The following CARMIL1 variants were observed in gnomAD, a reference collection of about 807,000 sequenced individuals.
CARMIL1 encodes F-actin-uncapping protein LRRC16A.
CARMIL1 carries 90 observed loss-of-function variants against 177.1 expected under a neutral mutation model. That is an observed-to-expected ratio of 0.51 (90% CI 0.43 to 0.61). The LOEUF (loss-of-function observed/expected upper bound fraction) is 0.61. CARMIL1 is among the 20% of genes least tolerant of loss of function. CARMIL1 has a pLI of 0.00. For missense variants in CARMIL1, 1,380 were observed against 1,667.0 expected, an observed-to-expected ratio of 0.83 and a Z score of 3.00; for synonymous variants, 577 against 606.2, an observed-to-expected ratio of 0.95 and a Z score of 0.71.
chr6:25,607,945 A>G (rs906454471), intron 35 of CARMIL1, among the ~76,000 whole-genome samples: 16 of 152,228 alleles, frequency 1.1e-4, no homozygotes, highest in Admixed American at 2.0e-4. Flanking sequence ...ACCAAAGTTT[A>G]TGATGGGGAA....
chr6:25,329,475 C>T (rs1230104788), intron 2 of CARMIL1, among the ~76,000 whole-genome samples: 2 of 152,200 alleles, frequency 1.3e-5, no homozygotes, highest in Non-Finnish European at 2.9e-5. Flanking sequence ...CTTTGGCCTC[C>T]TTATACATTT....
rs1332882313 is a variant in CARMIL1 at position 25,548,367 on chromosome 6, G to C, written c.2329-2543G>C. On this transcript the variant is annotated intron_variant, in intron 26 of 36. Coordinates refer to ENST00000329474, the MANE Select transcript of CARMIL1 (RefSeq NM_017640.6). ...CTTAGCAAGAAAGGCTGATTTTGCT[G>C]TTGTAGTTGTTATTGTTTGAGTGGG... 2.6e-5 allele frequency among the ~76,000 whole-genome samples: 4 copies of C among 152,146 alleles called. No individual in the cohort carries two copies. The East Asian group carries it at 7.7e-4, about 29-fold the overall frequency.
At chr6:25,338,872 T>A (rs369498510) in intron 2 of CARMIL1, among the ~76,000 whole-genome samples, 18 of 152,218 alleles carry the variant, frequency 1.2e-4, no homozygotes, top group South Asian at 6.2e-4. Context: ...AACCAGCACA[T>A]AAGTTTTATA....
At chr6:25,389,671 T>C (rs1792551463) in intron 2 of CARMIL1, among the ~76,000 whole-genome samples, 1 of 152,082 alleles carries the variant, frequency 6.6e-6, no homozygotes. Context: ...AAGCAATGAG[T>C]TGTTTCTGCC....
intron 26 of CARMIL1, among the ~76,000 whole-genome samples, chr6:25,540,464 C>T (rs1388320338): frequency 6.6e-6 from 1 of 152,086 alleles, no homozygotes; most frequent in Non-Finnish European, 1.5e-5. Context: ...TGTGGGGAGT[C>T]TGCCACTAGG....
chr6:25,401,359 G>A (rs1014047656), intron 2 of CARMIL1, among the ~76,000 whole-genome samples: 6 of 152,118 alleles, frequency 3.9e-5, no homozygotes, highest in Admixed American at 2.6e-4. Flanking sequence ...CATATAAAAT[G>A]TGTATATGAC....
intron 2 of CARMIL1, among the ~76,000 whole-genome samples, chr6:25,373,748 A>G (rs1790687976): frequency 6.6e-6 from 1 of 151,688 alleles, no homozygotes; most frequent in South Asian, 2.1e-4. Flanking sequence ...ATGCCTGGCT[A>G]ATTTTTTTGT....
intron 22 of CARMIL1, among the ~76,000 whole-genome samples, chr6:25,518,504 A>G (rs1806232860): frequency 6.6e-6 from 1 of 152,132 alleles, no homozygotes; most frequent in Non-Finnish European, 1.5e-5. Flanking sequence ...GGGCATCACT[A>G]AATAGGGGTA....
chr6:25,513,525 A>G (rs1487537541), intron 20 of CARMIL1, among the ~76,000 whole-genome samples: 1 of 152,238 alleles, frequency 6.6e-6, no homozygotes, highest in Admixed American at 6.5e-5. Context: ...GATAAGGACA[A>G]TAATATGCTT....
At chr6:25,321,449 G>C (rs1311163470) in intron 2 of CARMIL1, among the ~76,000 whole-genome samples, 1 of 152,038 alleles carries the variant, frequency 6.6e-6, no homozygotes, top group Non-Finnish European at 1.5e-5. Context: ...ATTAATGAGT[G>C]CATTAATGGT....
chr6:25,320,710 A>G (rs564870710), intron 2 of CARMIL1, among the ~76,000 whole-genome samples: 3 of 152,284 alleles, frequency 2.0e-5, no homozygotes, highest in African/African-American at 7.2e-5. Context: ...GCTGCTTCCC[A>G]GTTGCTCTGG....
chr6:25,441,379 G>T (rs1011858592), intron 5 of CARMIL1, among the ~76,000 whole-genome samples: 2 of 147,680 alleles, frequency 1.4e-5, no homozygotes, highest in Non-Finnish European at 3.0e-5. Context: ...GTGTCTATGT[G>T]TGTGTGTGTG....
At chr6:25,316,405 A>C (rs908190785) in intron 2 of CARMIL1, among the ~76,000 whole-genome samples, 2 of 146,020 alleles carry the variant, frequency 1.4e-5, no homozygotes, top group African/African-American at 5.0e-5. Context: ...TAGATGAGAT[A>C]GTTTATATTC....
chr6:25,330,199 A>T (rs764193847), intron 2 of CARMIL1, among the ~76,000 whole-genome samples: 5 of 152,214 alleles, frequency 3.3e-5, no homozygotes, highest in Non-Finnish European at 7.3e-5. Flanking sequence ...AGGTGTGCCC[A>T]TGGTACTGTG....
At chr6:25,444,598 C>A (rs1314606790) in intron 5 of CARMIL1, among the ~76,000 whole-genome samples, 1 of 152,126 alleles carries the variant, frequency 6.6e-6, no homozygotes, top group Non-Finnish European at 1.5e-5. Context: ...TGTTCAATTC[C>A]CACCTTTGAG....
intron 17 of CARMIL1, among the ~76,000 whole-genome samples, chr6:25,506,695 A>T (rs936213438): frequency 2.0e-5 from 3 of 152,248 alleles, no homozygotes; most frequent in Admixed American, 6.5e-5. Flanking sequence ...GGAGAAACCT[A>T]TACCATTCAG....
chr6:25,600,830 A>T (rs1004473211), intron 33 of CARMIL1, 84 bp downstream of exon 33: 3 of 1,179,760 alleles, frequency 2.5e-6, no homozygotes, highest in Non-Finnish European at 3.5e-6. Flanking sequence ...TGATATTTTT[A>T]TGTATGTCTA....
intron 2 of CARMIL1, among the ~76,000 whole-genome samples, chr6:25,349,833 A>G (rs980938544): frequency 6.8e-6 from 1 of 147,624 alleles, no homozygotes; most frequent in Non-Finnish European, 1.5e-5. Flanking sequence ...GGTTCAAGCT[A>G]TTCTCCTGCC....
Position 25,279,444 on chromosome 6 carries a change from C to G in CARMIL1, c.-352C>G, listed in dbSNP as rs1318386810. ...CGCGGAGGCTGGGCGGGAGCTACGC[C>G]GGCCCAAGCCCCGCCGGGGACCAGC... On this transcript the variant is annotated 5_prime_UTR_variant, in exon 1 of 37. Transcript: ENST00000329474. 2.5e-6 allele frequency: 1 copy of G among 395,238 alleles called. No homozygotes were observed. The highest frequency in any genetic ancestry group is 4.6e-6 in the Non-Finnish European group (1 of 215,392). 24.5% of individuals were successfully genotyped at this position (395,238 alleles called of 1,614,324 possible).
Sources: gnomAD v4.1 joint callset for allele counts (sites outside exome capture counted in the v4.1 genomes callset) on GRCh38, gnomAD v4.1.1 for gene constraint, MANE v1.5 for transcripts, NCBI Gene and HGNC (gene_info 2026-07-23, HGNC 2026-07-21) for gene names.